SLC22A3: variants seen among roughly 807,000 people sequenced by gnomAD.
SLC22A3 encodes the protein solute carrier family 22 member 3.
A neutral mutation model predicts 59.1 loss-of-function variants in SLC22A3; 51 were observed. That is an observed-to-expected ratio of 0.86 (90% CI 0.69 to 1.09). The LOEUF is 1.09. Among genes scored for constraint, SLC22A3 ranks in the 50% least tolerant of loss-of-function variants. The pLI is 0.00. For synonymous variants in SLC22A3, 325 were observed against 292.0 expected (o/e 1.11, Z -1.15); for missense variants, 711 against 726.3 (o/e 0.98, Z 0.24).
At chr6:160,439,023 T>G (rs376590951) in intron 7 of SLC22A3, among the ~76,000 whole-genome samples, 2 of 152,072 alleles carry the variant, frequency 1.3e-5, no homozygotes, top group African/African-American at 4.8e-5. Context: ...CAGGTAGACA[T>G]GAATTTTGGG....
chr6:160,388,525 A>G (rs1344185223), intron 1 of SLC22A3, among the ~76,000 whole-genome samples: 1 of 152,198 alleles, frequency 6.6e-6, no homozygotes, highest in Non-Finnish European at 1.5e-5. Flanking sequence ...GTGTTAAGTC[A>G]TGAGCTCTCC....
chr6:160,376,749 C>T (rs1350001437), intron 1 of SLC22A3, among the ~76,000 whole-genome samples: 1 of 152,134 alleles, frequency 6.6e-6, no homozygotes, highest in Non-Finnish European at 1.5e-5. Context: ...CTCTGTGAGG[C>T]CTTAAAGCTG....
intron 5 of SLC22A3, chr6:160,426,028 A>G (rs1311707804): frequency 2.8e-5 from 28 of 985,362 alleles, no homozygotes; most frequent in Non-Finnish European, 3.4e-5. Context: ...ACCAGTGAAC[A>G]ATGAGTTACC....
chr6:160,353,913 C>T (rs1484469590), intron 1 of SLC22A3, among the ~76,000 whole-genome samples: 1 of 152,168 alleles, frequency 6.6e-6, no homozygotes. Context: ...AACATTATCC[C>T]TTTATCCTCA....
In SLC22A3 at chr6:160,451,853, A is replaced by T. The variant is rs1788978803; in HGVS notation, c.*797A>T. 6.6e-6 allele frequency: 1 copy of T among 152,164 alleles called. No individual in the cohort carries two copies. Among genetic ancestry groups the T allele is most frequent in the African/African-American group, 2.4e-5 (1 of 41,452 alleles). 9.4% of individuals were successfully genotyped at this position (152,164 alleles called of 1,614,324 possible). ...GAGCCACAGATTCCCTTCTTTACTA[A>T]ACAAATCCCATGGATTCTGATTTCT... On this transcript the variant is annotated 3_prime_UTR_variant, in exon 11 of 11. Coordinates refer to ENST00000275300, the MANE Select transcript of SLC22A3 (RefSeq NM_021977.4).
At chr6:160,406,703 C>G (rs1787026953) in intron 2 of SLC22A3, among the ~76,000 whole-genome samples, 1 of 152,204 alleles carries the variant, frequency 6.6e-6, no homozygotes, top group Non-Finnish European at 1.5e-5. Context: ...CACACCATTC[C>G]TTCTTCTTTC....
intron 1 of SLC22A3, among the ~76,000 whole-genome samples, chr6:160,351,904 A>G (rs1251726290): frequency 6.6e-6 from 1 of 152,210 alleles, no homozygotes; most frequent in Non-Finnish European, 1.5e-5. Context: ...AAGTCAGTCC[A>G]CTTTCCTCCA....
At chr6:160,355,104 C>T (rs1017541157) in intron 1 of SLC22A3, among the ~76,000 whole-genome samples, 25 of 152,198 alleles carry the variant, frequency 1.6e-4, no homozygotes, top group Non-Finnish European at 2.9e-4. Flanking sequence ...TATGGGATTG[C>T]GAATAAGAAA....
chr6:160,450,598 A>ATAT, intron 10 of SLC22A3, among the ~76,000 whole-genome samples: 1 of 152,286 alleles, frequency 6.6e-6, no homozygotes, highest in East Asian at 1.9e-4. Flanking sequence ...AGAAATTATA[A>ATAT]AAGTATTAAT....
chr6:160,410,998 A>G, intron 5 of SLC22A3, 152 bp downstream of exon 5: 3 of 429,100 alleles, frequency 7.0e-6, no homozygotes, highest in South Asian at 2.9e-5. Context: ...ATACACACAC[A>G]CACACACTAC....
At position 160,447,794 on chromosome 6, in the gene SLC22A3, T is replaced by A. The variant is rs772732601; in HGVS notation, c.1586T>A (p.Val529Glu). The A allele has an allele frequency of 6.2e-7, 1 of 1,613,930 alleles. No individual in the cohort carries two copies. Among genetic ancestry groups the A allele is most frequent in the South Asian group, 1.1e-5 (1 of 91,070 alleles). ...AAGGGTATTGCCTTGCCAGAGACAG[T>A]GGATGATGTAGAAAAACTTGGCAGG... ...ETKGIALPET[V>E]DDVEKLGSPH... The change falls in exon 10 of 11, where the codon GTG becomes GAG. Residue 529 changes from valine (V) to glutamate (E), a missense_variant. By Grantham distance (121) the Val-to-Glu change is moderately radical. Transcript: ENST00000275300.
intron 1 of SLC22A3, among the ~76,000 whole-genome samples, chr6:160,369,741 C>G (rs1251916509): frequency 2.0e-5 from 3 of 152,178 alleles, no homozygotes; most frequent in Non-Finnish European, 4.4e-5. Context: ...CATTATACAT[C>G]AAGTTGAAAT....
rs182278032 is a variant in SLC22A3 at position 160,434,537 on chromosome 6, A to T, written c.976-2243A>T. ...TGATGAGACTTAAAATAATCCACGT[A>T]AAGTGCTTAGTCTAGAATCTAATAT... On this transcript the variant is annotated intron_variant, in intron 5 of 10. Transcript: ENST00000275300. 5.9e-5 allele frequency among the ~76,000 whole-genome samples: 9 copies of T among 152,340 alleles called. No individual in the cohort carries two copies. In the East Asian group the frequency reaches 1.7e-3, roughly 29 times the overall value.
At chr6:160,436,238 A>G (rs1788330252) in intron 5 of SLC22A3, among the ~76,000 whole-genome samples, 1 of 152,196 alleles carries the variant, frequency 6.6e-6, no homozygotes, top group African/African-American at 2.4e-5. Context: ...TAGTTGGCCA[A>G]TAGCAGTATT....
intron 5 of SLC22A3, among the ~76,000 whole-genome samples, chr6:160,423,518 A>G (rs1447796887): frequency 2.0e-5 from 3 of 151,970 alleles, no homozygotes; most frequent in Non-Finnish European, 4.4e-5. Context: ...ATTTTTAATG[A>G]TTGCCATTCT....
chr6:160,443,615 CT>C lies in SLC22A3; in HGVS notation c.1398-11del, dbSNP rs769134280. ...TTGAAATAGTTTTCACTTAAAATTA[CT>C]TTTCATTCAACAGAAATTTCGGAGT... On this transcript the variant is annotated splice_polypyrimidine_tract_variant and intron_variant, in intron 8 of 10. Coordinates refer to ENST00000275300, the MANE Select transcript of SLC22A3 (RefSeq NM_021977.4). The C allele has an allele frequency of 1.9e-5, 29 of 1,555,676 alleles. No homozygotes were observed. The highest frequency in any genetic ancestry group is 2.4e-5 in the Non-Finnish European group (27 of 1,127,404).
rs1787042113 is a variant in SLC22A3, at chr6:160,407,028, C to G, written c.534-13C>G. On this transcript the variant is annotated splice_polypyrimidine_tract_variant and intron_variant, in intron 2 of 10. Transcript: ENST00000275300. Reference sequence around the variant, plus strand: ...TGTTTAAGGTGAGCTCTTTTCCTGTCTTTCTCAAAAAGGTATGGCAGGATC... The same window carrying G: ...TGTTTAAGGTGAGCTCTTTTCCTGTGTTTCTCAAAAAGGTATGGCAGGATC... 2 of 1,612,422 alleles carry G rather than the reference C, an allele frequency of 1.2e-6. No individual in the cohort carries two copies. Among genetic ancestry groups the G allele is most frequent in the South Asian group, 2.2e-5 (2 of 90,870 alleles).
chr6:160,385,769 C>G (rs1177743677), intron 1 of SLC22A3, among the ~76,000 whole-genome samples: 1 of 152,198 alleles, frequency 6.6e-6, no homozygotes, highest in Non-Finnish European at 1.5e-5. Flanking sequence ...TTGCCTGGGA[C>G]AGATGACATG....
chr6:160,442,691 T>C lies in SLC22A3; in HGVS notation c.1289-70T>C, dbSNP rs997898667. ...CTGGAGGCCACTAAGCAAATACTTT[T>C]TGTTGTTCTGTAAAATGTTAATGAA... On this transcript the variant is annotated intron_variant, in intron 7 of 10. Transcript: ENST00000275300. 3 of 1,170,848 alleles carry C rather than the reference T, an allele frequency of 2.6e-6. No homozygotes were observed. In the African/African-American group the frequency reaches 4.5e-5, roughly 18 times the overall value. 72.5% of individuals were successfully genotyped at this position (1,170,848 alleles called of 1,614,324 possible). A position where few individuals can be genotyped will look rare whatever the true frequency, so the allele number is the denominator to read the frequency against.
Sources: allele counts gnomAD v4.1 joint callset (sites outside exome capture counted in the v4.1 genomes callset), GRCh38; gene constraint gnomAD v4.1.1; transcripts MANE v1.5; gene names NCBI Gene and HGNC (gene_info 2026-07-23, HGNC 2026-07-21).